Variants in ASXL1 observed in about 807,000 individuals in gnomAD.
ASXL1 encodes the protein polycomb group protein ASXL1.
Under a neutral mutation model 89.1 loss-of-function variants are expected in ASXL1, and 65 were observed. That is an observed-to-expected ratio of 0.73 (90% confidence interval 0.60 to 0.90). The LOEUF is 0.90. ASXL1 is among the 40% of genes least tolerant of loss of function. The pLI is 0.00. For missense variants in ASXL1, 1,786 were observed against 1,942.9 expected, an observed-to-expected ratio of 0.92 and a Z score of 1.52; for synonymous variants, 739 against 746.9, an observed-to-expected ratio of 0.99 and a Z score of 0.17.
chr20:32,420,327 C>CT lies in ASXL1; in HGVS notation c.253-7791dup, dbSNP rs559833866. ...AAGGAAAGGCATAACTGATATTTTG[C>CT]TTTTTTTTTTACTTCAGAATCTAAT... On this transcript the variant is annotated intron_variant, in intron 4 of 12. Transcript: ENST00000375687. 4.7e-4 allele frequency among the ~76,000 whole-genome samples: 70 copies of CT among 147,432 alleles called. No individual in the cohort carries two copies. In the Middle Eastern group the frequency reaches 0.017, roughly 37 times the overall value.
intron 4 of ASXL1, among the ~76,000 whole-genome samples, chr20:32,392,617 G>GA (rs1207577664): frequency 1.3e-5 from 2 of 150,516 alleles, no homozygotes; most frequent in Non-Finnish European, 3.0e-5. Context: ...TCCCAGCCCT[G>GA]AAATCTTTCC....
rs748799415 is a variant in ASXL1 at position 32,362,864 on chromosome 20, AAC to A, written c.58-3518_58-3517del. On this transcript the variant is annotated intron_variant, in intron 1 of 12. Coordinates refer to ENST00000375687, the MANE Select transcript of ASXL1 (RefSeq NM_015338.6). ...GATATAAATCCTCCAACTTGTTATA[AAC>A]AGTTTGTTTGGGAGAAATAGCCAAG... Among the ~76,000 whole-genome samples the A allele has an allele frequency of 1.8e-3, 279 of 152,312 alleles. 1 individual carries two copies. Among genetic ancestry groups the A allele is most frequent in the Non-Finnish European group, 2.6e-3 (178 of 68,020 alleles).
At chr20:32,379,081 T>TCACACA (rs60897071) in intron 4 of ASXL1, among the ~76,000 whole-genome samples, 1 of 143,068 alleles carries the variant, frequency 7.0e-6, no homozygotes, top group Non-Finnish European at 1.5e-5. Flanking sequence ...ACTCTGTCTC[T>TCACACA]CACACACACA....
intron 4 of ASXL1, among the ~76,000 whole-genome samples, chr20:32,396,990 T>C (rs1338724489): frequency 7.5e-6 from 1 of 132,634 alleles, no homozygotes; most frequent in African/African-American, 2.6e-5. Flanking sequence ...AATTAAACAT[T>C]GCAAAAAAAA....
chr20:32,437,066 A>C lies in ASXL1; in HGVS notation c.4354A>C (p.Thr1452Pro). The C allele has an allele frequency of 6.2e-7, 1 of 1,614,134 alleles. No individual in the cohort carries two copies. The highest frequency in any genetic ancestry group is 2.2e-5 in the East Asian group (1 of 44,884). Residue 1452 changes from threonine (T) to proline (P), a missense_variant, in exon 13 of 13, where the codon ACC (threonine) becomes CCC (proline). Coordinates refer to ENST00000375687, the MANE Select transcript of ASXL1 (RefSeq NM_015338.6). ...GKLSKLQLSS[T>P]SFNYSSSSPT... Reference sequence around the variant, plus strand: ...GCTTTCTAAACTCCAACTGAGTTCCACCAGCTTTAATTATTCCTCTAGCTC... The same window carrying C: ...GCTTTCTAAACTCCAACTGAGTTCCCCCAGCTTTAATTATTCCTCTAGCTC...
chr20:32,358,942 G>T, intron 1 of ASXL1, 110 bp downstream of exon 1: 1 of 1,170,988 alleles, frequency 8.5e-7, no homozygotes, highest in South Asian at 1.8e-5. Context: ...GCGGGAGGGG[G>T]CGGGGCCATC....
At chr20:32,363,139 A>T (rs963685085) in intron 1 of ASXL1, among the ~76,000 whole-genome samples, 2 of 152,256 alleles carry the variant, frequency 1.3e-5, no homozygotes, top group Non-Finnish European at 2.9e-5. Context: ...TTAATAAAAA[A>T]GAATACTTTG....
At chr20:32,391,321 GAATA>G (rs1438496880) in intron 4 of ASXL1, among the ~76,000 whole-genome samples, 2 of 152,150 alleles carry the variant, frequency 1.3e-5, no homozygotes, top group African/African-American at 4.8e-5. Context: ...ATGCTGCTGT[GAATA>G]AATATTTGTG....
intron 4 of ASXL1, among the ~76,000 whole-genome samples, chr20:32,411,704 G>C (rs2049052101): frequency 6.6e-6 from 1 of 150,702 alleles, no homozygotes; most frequent in Non-Finnish European, 1.5e-5. Context: ...ACCACACCCA[G>C]CTTTTATATT....
intron 4 of ASXL1, among the ~76,000 whole-genome samples, chr20:32,416,250 G>A (rs2049136253): frequency 1.3e-5 from 2 of 151,944 alleles, no homozygotes; most frequent in South Asian, 4.2e-4. Flanking sequence ...TTCTACTATT[G>A]AATATTAGAA....
Position 32,358,511 on chromosome 20 carries a change from G to T in ASXL1, c.-265G>T, listed in dbSNP as rs886056585. The T allele has an allele frequency of 1.6e-4, 37 of 227,266 alleles. No homozygotes were observed. The highest frequency in any genetic ancestry group is 2.7e-4 in the Non-Finnish European group (31 of 114,402). The allele number at this position is 227,266 out of a possible 1,614,324, so 14.1% of individuals were successfully genotyped here. A position where few individuals can be genotyped will look rare whatever the true frequency, so the allele number is the denominator to read the frequency against. On this transcript the variant is annotated 5_prime_UTR_variant, in exon 1 of 13. Coordinates refer to ENST00000375687, the MANE Select transcript of ASXL1 (RefSeq NM_015338.6). The stretch of plus-strand genomic sequence containing the variant: ...ATGCGGAGCCGCCGCATTCCTTAGC[G>T]ATCGCGGGGCAGCCGCCGCTGCCGC...
In ASXL1 at chr20:32,410,916, A is replaced by G. The variant is rs1304892579; in HGVS notation, c.253-17212A>G. Among the ~76,000 whole-genome samples the G allele has an allele frequency of 2.0e-5, 3 of 151,754 alleles. No individual in the cohort carries two copies. In the East Asian group the frequency reaches 5.8e-4, roughly 30 times the overall value. On this transcript the variant is annotated intron_variant, in intron 4 of 12. Coordinates refer to ENST00000375687, the MANE Select transcript of ASXL1 (RefSeq NM_015338.6). ...CATGATGGCGCATGCCTGTAATCTC[A>G]GCTACTGGGGGAGGGTGAGGCAGGA...
At chr20:32,395,296 G>GT (rs1219856948) in intron 4 of ASXL1, among the ~76,000 whole-genome samples, 6 of 151,950 alleles carry the variant, frequency 3.9e-5, no homozygotes, top group East Asian at 1.9e-4. Flanking sequence ...AGGTTGACAG[G>GT]TTTTTTTCAT....
chr20:32,426,685 G>A (rs1039154463), intron 4 of ASXL1, among the ~76,000 whole-genome samples: 1 of 149,052 alleles, frequency 6.7e-6, no homozygotes, highest in South Asian at 2.1e-4. Context: ...TTAGCCTCCC[G>A]AGTAGCTGGT....
At chr20:32,382,022 C>A (rs2048496101) in intron 4 of ASXL1, among the ~76,000 whole-genome samples, 1 of 144,798 alleles carries the variant, frequency 6.9e-6, no homozygotes, top group South Asian at 2.2e-4. Flanking sequence ...ATGGCGCGAT[C>A]TCAGCTAACG....
chr20:32,376,054 A>G (rs1197120775), intron 4 of ASXL1, among the ~76,000 whole-genome samples: 1 of 152,014 alleles, frequency 6.6e-6, no homozygotes, highest in Non-Finnish European at 1.5e-5. Context: ...TTTATGTTTT[A>G]CTGCCAGTAC....
At chr20:32,360,005 A>G (rs1235356132) in intron 1 of ASXL1, 2 of 580,946 alleles carry the variant, frequency 3.4e-6, no homozygotes, top group South Asian at 2.1e-5. Flanking sequence ...ATGATGAGTG[A>G]AGCTCAGACT....
intron 4 of ASXL1, among the ~76,000 whole-genome samples, chr20:32,403,979 G>A (rs2048915164): frequency 6.6e-6 from 1 of 151,848 alleles, no homozygotes; most frequent in African/African-American, 2.4e-5. Context: ...AGGTATTTAG[G>A]CTATCCATCA....
intron 4 of ASXL1, among the ~76,000 whole-genome samples, chr20:32,409,906 A>G (rs1230907344): frequency 6.6e-6 from 1 of 152,226 alleles, no homozygotes; most frequent in Non-Finnish European, 1.5e-5. Context: ...TCTCACAAAC[A>G]TTGTCTTTTA....
Sources: gnomAD v4.1 joint callset for allele counts (sites outside exome capture counted in the v4.1 genomes callset) on GRCh38, gnomAD v4.1.1 for gene constraint, MANE v1.5 for transcripts, NCBI Gene and HGNC (gene_info 2026-07-23, HGNC 2026-07-21) for gene names.